GNAS-AS1: variants seen among roughly 807,000 people sequenced by gnomAD.
The protein encoded by GNAS-AS1 is GNAS antisense RNA 1 (non-protein coding).
chr20:58,819,642 A>C (rs2085472003), intron 4 of GNAS-AS1, among the ~76,000 whole-genome samples: 1 of 152,158 alleles, frequency 6.6e-6, no homozygotes, highest in Non-Finnish European at 1.5e-5. Flanking sequence ...GCAAGAAGCC[A>C]GGCTTAGATA....
intron 4 of GNAS-AS1, among the ~76,000 whole-genome samples, chr20:58,827,587 A>C (rs540170431): frequency 6.6e-6 from 1 of 152,382 alleles, no homozygotes; most frequent in Non-Finnish European, 1.5e-5. Context: ...GCACGTCGAC[A>C]GGGATGTGAC....
At chr20:58,829,246 A>G (rs2085539856) in intron 4 of GNAS-AS1, among the ~76,000 whole-genome samples, 1 of 152,208 alleles carries the variant, frequency 6.6e-6, no homozygotes, top group Non-Finnish European at 1.5e-5. Flanking sequence ...CACTCTCCTA[A>G]ATAACTCTAA....
chr20:58,833,539 C>T (rs1418154502), intron 4 of GNAS-AS1, among the ~76,000 whole-genome samples: 1 of 152,078 alleles, frequency 6.6e-6, no homozygotes, highest in African/African-American at 2.4e-5. Context: ...CCTTGTAGAC[C>T]AACCCATCCA....
chr20:58,838,774 G>C (rs1226046645), intron 4 of GNAS-AS1: 7 of 379,600 alleles, frequency 1.8e-5, no homozygotes, highest in Non-Finnish European at 2.8e-5. Context: ...AAAATTAGCC[G>C]AGCGTAGTGG....
chr20:58,830,876 T>C (rs1232797495), intron 4 of GNAS-AS1, among the ~76,000 whole-genome samples: 3 of 151,954 alleles, frequency 2.0e-5, no homozygotes, highest in African/African-American at 7.3e-5. Context: ...TCTCATAAGA[T>C]ACCATCTATT....
rs773279644 is a variant in GNAS-AS1 at position 58,840,794 on chromosome 20, TC to T, written n.819+1142del. On this transcript the variant is annotated intron_variant and non_coding_transcript_variant, in intron 4 of 4. Coordinates refer to ENST00000424094, the Ensembl canonical transcript of GNAS-AS1. This position sits in a 1 kb window ranked among gnomAD's most constrained non-coding sequence, Gnocchi z 6.0. ...AAAGAAGCCCACCCGCCGTGACGCG[TC>T]CCCGGAGTCCCCTTCCAAAAAGGGA... 1.9e-6 allele frequency: 3 copies of T among 1,611,868 alleles called. No individual in the cohort carries two copies. The highest frequency in any genetic ancestry group is 4.5e-5 in the East Asian group (2 of 44,860).
intron 4 of GNAS-AS1, among the ~76,000 whole-genome samples, chr20:58,820,366 C>T (rs759695199): frequency 1.1e-4 from 17 of 152,216 alleles, no homozygotes; most frequent in Non-Finnish European, 1.9e-4. Flanking sequence ...AGGGAGGCAC[C>T]ACAGTAACCG....
At chr20:58,843,050 T>C (rs912294983) in intron 2 of GNAS-AS1, among the ~76,000 whole-genome samples, 5 of 152,296 alleles carry the variant, frequency 3.3e-5, no homozygotes, top group African/African-American at 9.6e-5. Context: ...CAATGTACCA[T>C]GTTCACATGT....
intron 4 of GNAS-AS1, among the ~76,000 whole-genome samples, chr20:58,834,836 C>T (rs1172690483): frequency 6.6e-6 from 1 of 152,144 alleles, no homozygotes; most frequent in Non-Finnish European, 1.5e-5. Context: ...AAACGAATGG[C>T]ACAAATACAG....
intron 4 of GNAS-AS1, chr20:58,839,941 G>T: frequency 1.5e-6 from 1 of 675,254 alleles, no homozygotes; most frequent in East Asian, 2.6e-5. Flanking sequence ...GGTCAGGAAG[G>T]TAGGTGCTTC....
intron 4 of GNAS-AS1, among the ~76,000 whole-genome samples, chr20:58,831,153 T>C (rs2085566518): frequency 6.6e-6 from 1 of 152,208 alleles, no homozygotes; most frequent in Non-Finnish European, 1.5e-5. Flanking sequence ...AGTCCAGATT[T>C]ACCAAATATC....
At position 58,824,044 on chromosome 20, in the gene GNAS-AS1, T is replaced by C. The variant is rs576502818; in HGVS notation, n.820-4789A>G. 7 of 398,660 alleles carry C rather than the reference T, an allele frequency of 1.8e-5. No individual in the cohort carries two copies. In the South Asian group the frequency reaches 3.8e-4, roughly 22 times the overall value. 24.7% of individuals were successfully genotyped at this position (398,660 alleles called of 1,614,324 possible). A position where few individuals can be genotyped will look rare whatever the true frequency, so the allele number is the denominator to read the frequency against. ...CTTCATTTTCCTGACACGCTCTCTTTGGGGAGGAAGAGGTCGGCTTCAACA... is the reference window on the plus strand; with the variant it reads ...CTTCATTTTCCTGACACGCTCTCTTCGGGGAGGAAGAGGTCGGCTTCAACA... On this transcript the variant is annotated intron_variant and non_coding_transcript_variant, in intron 4 of 4. Transcript: ENST00000424094.
At chr20:58,846,877 C>G (rs1252024542) in intron 2 of GNAS-AS1, among the ~76,000 whole-genome samples, 1 of 152,192 alleles carries the variant, frequency 6.6e-6, no homozygotes, top group Non-Finnish European at 1.5e-5. Context: ...AAATTTTAAG[C>G]AGAGCTTCCA....
intron 2 of GNAS-AS1, among the ~76,000 whole-genome samples, chr20:58,844,655 G>A (rs894727299): frequency 6.7e-6 from 1 of 148,386 alleles, no homozygotes; most frequent in African/African-American, 2.5e-5. Context: ...TAAGAAGCCT[G>A]GGGTTGTCCA....
At chr20:58,830,737 G>C (rs1416442109) in intron 4 of GNAS-AS1, among the ~76,000 whole-genome samples, 30 of 148,220 alleles carry the variant, frequency 2.0e-4, no homozygotes, top group Admixed American at 2.0e-3. Flanking sequence ...ATCATAACCA[G>C]CACCATCACC....
rs370630998 is a variant in GNAS-AS1, at chr20:58,834,648, A to G, written n.819+7289T>C. On this transcript the variant is annotated intron_variant and non_coding_transcript_variant, in intron 4 of 4. Coordinates refer to ENST00000424094, the Ensembl canonical transcript of GNAS-AS1. ...CTTCTAGATGCTTCCCGTTGGATCC[A>G]GAGTCTAGAAATTGCTCCTCCTGTG... The G allele has an allele frequency of 1.5e-4, 23 of 152,370 alleles. No individual in the cohort carries two copies. The East Asian group carries it at 4.1e-3, about 27-fold the overall frequency. The allele number at this position is 152,370 out of a possible 1,614,324, so 9.4% of individuals were successfully genotyped here. A position where few individuals can be genotyped will look rare whatever the true frequency, so the allele number is the denominator to read the frequency against.
intron 4 of GNAS-AS1, chr20:58,839,865 T>C (rs945731825): frequency 3.4e-6 from 2 of 596,684 alleles, no homozygotes; most frequent in Admixed American, 3.0e-5. Flanking sequence ...CTTTCCCCTT[T>C]TTTCCCATCC....
At chr20:58,839,971 A>T (rs2085656494) in intron 4 of GNAS-AS1, 1 of 864,492 alleles carries the variant, frequency 1.2e-6, no homozygotes, top group East Asian at 2.5e-5. Flanking sequence ...CCTCACAAGG[A>T]GGTGAGGCTG....
At chr20:58,821,140 T>C (rs528416231) in intron 4 of GNAS-AS1, among the ~76,000 whole-genome samples, 1 of 152,306 alleles carries the variant, frequency 6.6e-6, no homozygotes, top group African/African-American at 2.4e-5. Context: ...GCTGCCCTTA[T>C]GGTGCTGCCT....
Sources: allele counts gnomAD v4.1 joint callset (sites outside exome capture counted in the v4.1 genomes callset), GRCh38; gene constraint gnomAD v4.1.1; non-coding constraint Gnocchi (gnomAD v3.1); transcripts MANE v1.5; gene names NCBI Gene and HGNC (gene_info 2026-07-23, HGNC 2026-07-21).